POU2F1: variants seen among roughly 807,000 people sequenced by gnomAD.
The protein encoded by POU2F1 is POU class 2 homeobox 1, also known as POU domain, class 2, transcription factor 1.
POU2F1 carries 16 observed loss-of-function variants against 84.9 expected under a neutral mutation model. The ratio of observed to expected loss-of-function variants is 0.19; its 90% confidence interval spans 0.13 to 0.29. The LOEUF is 0.29. POU2F1 is among the 10% of genes least tolerant of loss of function. The pLI, the probability that POU2F1 is intolerant of heterozygous loss-of-function variation, is 1.00. For missense variants in POU2F1, 738 were observed against 942.6 expected (o/e 0.78, Z 2.84); for synonymous variants, 368 against 368.3 (o/e 1.00, Z 0.01).
At chr1:167,305,927 G>A (rs1655031729) in intron 1 of POU2F1, among the ~76,000 whole-genome samples, 1 of 152,156 alleles carries the variant, frequency 6.6e-6, no homozygotes, top group South Asian at 2.1e-4. Context: ...CTGGGCATAT[G>A]GTAGACATGT....
chr1:167,415,692 C>G lies in POU2F1; in HGVS notation c.2183C>G (p.Pro728Arg). The G allele has an allele frequency of 6.2e-7, 1 of 1,614,142 alleles. No homozygotes were observed. The highest frequency in any genetic ancestry group is 8.5e-7 in the Non-Finnish European group (1 of 1,180,010). ...GCAGCATCTGCAGGGAACTCTGCAC[C>G]TGTAGCCAGCCTTCACGCCACCTCC... ...AAAASAGNSA[P>R]VASLHATSTS... is the part of the protein sequence containing the mutation. The change falls in exon 16 of 16, where the codon CCT (proline) becomes CGT (arginine). Residue 728 changes from proline to arginine, a missense_variant. Transcript: ENST00000367866.
At position 167,416,087 on chromosome 1, in the gene POU2F1, T is replaced by TAAAAAAAAAAAAAAAAAAAAACAAAAAA. The variant is rs34032944; in HGVS notation, c.*296_*297insAACAAAAAAAAAAAAAAAAAAAAAAAAA. On this transcript the variant is annotated 3_prime_UTR_variant, in exon 16 of 16. Transcript: ENST00000367866. ...ATTGGAGAACTTTCTAACCAAAAAT[T>TAAAAAAAAAAAAAAAAAAAAACAAAAAA]AAAAAAAAAAAAAAAAAAAGAAACA... The TAAAAAAAAAAAAAAAAAAAAACAAAAAA allele has an allele frequency of 3.0e-6, 1 of 334,154 alleles. No homozygotes were observed. The highest frequency in any genetic ancestry group is 5.5e-6 in the Non-Finnish European group (1 of 182,682). The allele number at this position is 334,154 out of a possible 1,614,324, so 20.7% of individuals were successfully genotyped here. A position where few individuals can be genotyped will look rare whatever the true frequency, so the allele number is the denominator to read the frequency against.
intron 1 of POU2F1, among the ~76,000 whole-genome samples, chr1:167,224,056 A>G (rs1417557763): frequency 6.6e-6 from 1 of 152,252 alleles, no homozygotes; most frequent in African/African-American, 2.4e-5. Context: ...AAATGATAAA[A>G]TGTACATTGG....
chr1:167,352,314 T>G (rs1658634825), intron 2 of POU2F1, among the ~76,000 whole-genome samples: 1 of 152,246 alleles, frequency 6.6e-6, no homozygotes, highest in Non-Finnish European at 1.5e-5. Context: ...AAAACTTTAT[T>G]TTAATGTAAA....
At chr1:167,375,914 G>A (rs144565938) in intron 6 of POU2F1, 115 bp from the exon 7 acceptor site, 425 of 1,278,534 alleles carry the variant, frequency 3.3e-4, no homozygotes, top group Non-Finnish European at 4.2e-4. Context: ...GAAAGCATGC[G>A]AAGTATTTAC....
chr1:167,379,128 TG>T (rs1458325129), intron 7 of POU2F1: 1 of 152,142 alleles, frequency 6.6e-6, no homozygotes, highest in African/African-American at 2.4e-5. Flanking sequence ...AGACATGTCT[TG>T]CTGTGGTTGC....
Position 167,370,157 on chromosome 1 carries a change from A to G in POU2F1, c.229-4A>G, listed in dbSNP as rs1336605314. The G allele has an allele frequency of 6.2e-7, 1 of 1,603,592 alleles. No individual in the cohort carries two copies. Among genetic ancestry groups the G allele is most frequent in the South Asian group, 1.1e-5 (1 of 89,410 alleles). On this transcript the variant is annotated splice_region_variant and splice_polypyrimidine_tract_variant and intron_variant, in intron 3 of 15. Transcript: ENST00000367866. ...AAACTAGAACTTCCCCTGATTACTTATAGGTCCAACTCGCTGGAACAAGTT... is the reference window on the plus strand; with the variant it reads ...AAACTAGAACTTCCCCTGATTACTTGTAGGTCCAACTCGCTGGAACAAGTT...
At chr1:167,235,054 G>A (rs879303046) in intron 1 of POU2F1, among the ~76,000 whole-genome samples, 6 of 152,212 alleles carry the variant, frequency 3.9e-5, no homozygotes, top group East Asian at 3.9e-4. Flanking sequence ...GAAACATGAC[G>A]GTTGATTATT....
Position 167,329,823 on chromosome 1 carries a change from C to T in POU2F1, c.62-2647C>T, listed in dbSNP as rs549643992. Reference sequence around the variant, plus strand: ...TGGTTGCTGCAACAGATCTGTTGATCGATTTCCAGATTTTAGAAACTATTA... The same window carrying T: ...TGGTTGCTGCAACAGATCTGTTGATTGATTTCCAGATTTTAGAAACTATTA... On this transcript the variant is annotated intron_variant, in intron 1 of 15. Transcript: ENST00000367866. Among the ~76,000 whole-genome samples the T allele has an allele frequency of 4.6e-5, 7 of 152,198 alleles. No individual in the cohort carries two copies. The East Asian group carries it at 1.2e-3, about 25-fold the overall frequency.
intron 7 of POU2F1, among the ~76,000 whole-genome samples, chr1:167,383,006 G>A (rs1647679041): frequency 6.6e-6 from 1 of 152,120 alleles, no homozygotes; most frequent in African/African-American, 2.4e-5. Flanking sequence ...GGAAGCTATT[G>A]CCTCAGATAA....
chr1:167,307,199 CTG>C (rs1326470196), intron 1 of POU2F1, among the ~76,000 whole-genome samples: 4 of 152,096 alleles, frequency 2.6e-5, no homozygotes, highest in Non-Finnish European at 5.9e-5. Flanking sequence ...ATGACACCAA[CTG>C]TGTAAAGTTA....
intron 1 of POU2F1, among the ~76,000 whole-genome samples, chr1:167,242,963 GCTTT>G (rs1332752825): frequency 1.4e-5 from 2 of 141,694 alleles, no homozygotes; most frequent in Admixed American, 7.3e-5. Flanking sequence ...TCTCTCCCCC[GCTTT>G]CTTTCTTATT....
chr1:167,247,605 A>C (rs1271150563), intron 1 of POU2F1, among the ~76,000 whole-genome samples: 3 of 151,788 alleles, frequency 2.0e-5, no homozygotes, highest in African/African-American at 7.3e-5. Flanking sequence ...ACCTGTTTAT[A>C]GTTTTTTTTT....
intron 13 of POU2F1, among the ~76,000 whole-genome samples, chr1:167,405,241 G>C (rs1649488979): frequency 6.6e-6 from 1 of 152,050 alleles, no homozygotes; most frequent in Non-Finnish European, 1.5e-5. Flanking sequence ...TCCTCAGGAA[G>C]ATATAGCAAC....
chr1:167,308,108 C>T (rs1175347631), intron 1 of POU2F1, among the ~76,000 whole-genome samples: 1 of 151,294 alleles, frequency 6.6e-6, no homozygotes, highest in African/African-American at 2.4e-5. Context: ...GCTCTGTCAC[C>T]CAGGCTGGAG....
At chr1:167,365,326 T>A in intron 2 of POU2F1, 141 bp from the exon 3 acceptor site, 1 of 532,190 alleles carries the variant, frequency 1.9e-6, no homozygotes, top group Non-Finnish European at 3.3e-6. Flanking sequence ...CTGTTTCCTT[T>A]CTTTTGAATC....
At chr1:167,396,760 A>T (rs1648839392) in intron 10 of POU2F1, 1 of 183,760 alleles carries the variant, frequency 5.4e-6, no homozygotes, top group African/African-American at 2.3e-5. Context: ...AGCTTGAAGT[A>T]GAAGCTTATT....
chr1:167,266,021 TAAAC>T (rs1209792935), intron 1 of POU2F1, among the ~76,000 whole-genome samples: 1 of 152,266 alleles, frequency 6.6e-6, no homozygotes, highest in Non-Finnish European at 1.5e-5. Context: ...GTTGCACTTT[TAAAC>T]AAATATAACT....
chr1:167,240,498 TAATG>T (rs1350807163), intron 1 of POU2F1, among the ~76,000 whole-genome samples: 1 of 152,172 alleles, frequency 6.6e-6, no homozygotes, highest in Non-Finnish European at 1.5e-5. Context: ...ATATTTAAAA[TAATG>T]AAATAAATAG....
Sources: gnomAD v4.1 joint callset for allele counts (sites outside exome capture counted in the v4.1 genomes callset) on GRCh38, gnomAD v4.1.1 for gene constraint, MANE v1.5 for transcripts, NCBI Gene and HGNC (gene_info 2026-07-23, HGNC 2026-07-21) for gene names.